SCYL2: variants seen among roughly 807,000 people sequenced by gnomAD.
SCYL2 encodes SCY1 like pseudokinase 2, also known as SCY1-like protein 2.
A neutral mutation model predicts 100.4 loss-of-function variants in SCYL2; 36 were observed. That is an observed-to-expected ratio of 0.36 (90% CI 0.27 to 0.47). The LOEUF (loss-of-function observed/expected upper bound fraction) is 0.47, where lower values mean the gene tolerates loss of function less well. SCYL2 is among the 20% of genes least tolerant of loss of function. The probability of loss-of-function intolerance (pLI) is 1.00; values close to 1 mark genes in which losing one functional copy is unlikely to be tolerated. For synonymous variants in SCYL2, 330 were observed against 359.2 expected (o/e 0.92, Z 0.92); for missense variants, 902 against 1,083.9 (o/e 0.83, Z 2.36).
chr12:100,315,910 A>T (rs1296420452), intron 9 of SCYL2, among the ~76,000 whole-genome samples, 176 bp downstream of exon 9: 1 of 152,224 alleles, frequency 6.6e-6, no homozygotes, highest in Non-Finnish European at 1.5e-5. Flanking sequence ...TTTTAAAATT[A>T]TGATTGAACT....
At chr12:100,290,716 A>G (rs192959683) in intron 2 of SCYL2, among the ~76,000 whole-genome samples, 1 of 152,218 alleles carries the variant, frequency 6.6e-6, no homozygotes, top group African/African-American at 2.4e-5. Flanking sequence ...TTGGAAGGCT[A>G]GCATTCTTTG....
intron 12 of SCYL2, chr12:100,327,104 G>A (rs1260239572): frequency 9.8e-6 from 3 of 306,716 alleles, no homozygotes; most frequent in African/African-American, 6.7e-5. Flanking sequence ...TTTGTAAGAG[G>A]CAAAGTATTT....
At position 100,301,063 on chromosome 12, in the gene SCYL2, A is replaced by G. The variant is rs189744057; in HGVS notation, c.480+2888A>G. On this transcript the variant is annotated intron_variant, in intron 4 of 17. Transcript: ENST00000360820. ...TGGTAGCTCAAATTTTAGTTTTTTG[A>G]AGAACCTCCAAATTGTTCTGTATAG... is the stretch of plus-strand genomic sequence containing the variant. Among the ~76,000 whole-genome samples the G allele has an allele frequency of 2.4e-4, 37 of 152,264 alleles. No individual in the cohort carries two copies. In the East Asian group the frequency reaches 7.0e-3, roughly 29 times the overall value.
chr12:100,322,066 A>G (rs1046014504), intron 10 of SCYL2, among the ~76,000 whole-genome samples: 2 of 150,918 alleles, frequency 1.3e-5, no homozygotes, highest in African/African-American at 2.4e-5. Flanking sequence ...AAAAAGAAAA[A>G]AAAACCCAAG....
At chr12:100,276,853 TG>T (rs1332443321) in intron 1 of SCYL2, among the ~76,000 whole-genome samples, 3 of 152,114 alleles carry the variant, frequency 2.0e-5, no homozygotes, top group Non-Finnish European at 4.4e-5. Context: ...ACCATTATTT[TG>T]GACTTTTAAA....
chr12:100,274,391 C>G (rs1412622705), intron 1 of SCYL2, among the ~76,000 whole-genome samples: 1 of 152,146 alleles, frequency 6.6e-6, no homozygotes, highest in Non-Finnish European at 1.5e-5. Context: ...TTTACTTTAT[C>G]AAAACCTTGG....
rs190222456 is a variant in SCYL2 at position 100,317,524 on chromosome 12, A to G, written c.1273-279A>G. ...TTTTTCACCCTGTAGCTTTCCAGAT[A>G]GTTGGTATGTGTGGGCAAGTGATAG... On this transcript the variant is annotated intron_variant, in intron 9 of 17. Transcript: ENST00000360820. Among the ~76,000 whole-genome samples the G allele has an allele frequency of 2.0e-5, 3 of 152,294 alleles. No homozygotes were observed. The East Asian group carries it at 5.8e-4, about 29-fold the overall frequency.
At chr12:100,299,135 T>C (rs1340014420) in intron 4 of SCYL2, among the ~76,000 whole-genome samples, 2 of 152,068 alleles carry the variant, frequency 1.3e-5, no homozygotes, top group African/African-American at 4.8e-5. Flanking sequence ...CTCAGGAGGC[T>C]GAGTCAGGAG....
At chr12:100,293,595 A>G (rs1229108172) in intron 3 of SCYL2, among the ~76,000 whole-genome samples, 1 of 151,526 alleles carries the variant, frequency 6.6e-6, no homozygotes, top group Non-Finnish European at 1.5e-5. Flanking sequence ...TGGCAGGGTC[A>G]TAGGACAATA....
chr12:100,268,240 G>A (rs956154598), intron 1 of SCYL2, among the ~76,000 whole-genome samples: 2 of 152,126 alleles, frequency 1.3e-5, no homozygotes, highest in African/African-American at 2.4e-5. Flanking sequence ...AAAAACATTG[G>A]ATACTATGAG....
intron 10 of SCYL2, among the ~76,000 whole-genome samples, chr12:100,323,256 G>A (rs2096358155): frequency 6.6e-6 from 1 of 152,170 alleles, no homozygotes; most frequent in Admixed American, 6.5e-5. Context: ...GATTAGGAAT[G>A]AGATCAGGGA....
intron 4 of SCYL2, among the ~76,000 whole-genome samples, chr12:100,306,989 AAG>A (rs1424376993): frequency 6.6e-6 from 1 of 152,186 alleles, no homozygotes; most frequent in African/African-American, 2.4e-5. Flanking sequence ...TGAAGGAAAT[AAG>A]AGAGGACACA....
intron 4 of SCYL2, among the ~76,000 whole-genome samples, chr12:100,303,265 T>C (rs934315309): frequency 2.0e-5 from 3 of 152,142 alleles, no homozygotes; most frequent in Admixed American, 1.3e-4. Flanking sequence ...GTCAAACTTA[T>C]TCTCTGTCCA....
At position 100,267,699 on chromosome 12, in the gene SCYL2, G is replaced by A. The variant is rs1480624948; in HGVS notation, c.-122G>A. The A allele has an allele frequency of 2.0e-5, 3 of 152,542 alleles. No homozygotes were observed. The highest frequency in any genetic ancestry group is 4.4e-5 in the Non-Finnish European group (3 of 68,296). 9.4% of individuals were successfully genotyped at this position (152,542 alleles called of 1,614,324 possible). A position where few individuals can be genotyped will look rare whatever the true frequency, so the allele number is the denominator to read the frequency against. ...GACCCGGGATCGAAGTCAGCTGCCGGAGGGAGAGCCCCCCATGCCGGCTCG... is the reference window on the plus strand; with the variant it reads ...GACCCGGGATCGAAGTCAGCTGCCGAAGGGAGAGCCCCCCATGCCGGCTCG... On this transcript the variant is annotated 5_prime_UTR_variant, in exon 1 of 18. Transcript: ENST00000360820.
intron 10 of SCYL2, chr12:100,319,245 G>A (rs1397129816): frequency 2.2e-6 from 1 of 455,758 alleles, no homozygotes; most frequent in African/African-American, 2.0e-5. Context: ...TAAAGGTGAG[G>A]GTATGCTGCC....
chr12:100,296,870 A>C (rs924117715), intron 3 of SCYL2: 1 of 152,224 alleles, frequency 6.6e-6, no homozygotes, highest in Admixed American at 6.5e-5. Context: ...CAGCAGGACA[A>C]TGTGACCATT....
At chr12:100,330,133 C>G (rs1424192208) in intron 13 of SCYL2, among the ~76,000 whole-genome samples, 1 of 152,054 alleles carries the variant, frequency 6.6e-6, no homozygotes, top group South Asian at 2.1e-4. Flanking sequence ...TAATTGGGAA[C>G]CATTTTAAGA....
At chr12:100,277,451 T>A (rs1236910306) in intron 1 of SCYL2, among the ~76,000 whole-genome samples, 2 of 152,256 alleles carry the variant, frequency 1.3e-5, no homozygotes, top group Admixed American at 6.5e-5. Context: ...ATTGGGTGTG[T>A]ACAGATTTAG....
chr12:100,293,735 C>G (rs1049514225), intron 3 of SCYL2, among the ~76,000 whole-genome samples: 6 of 152,036 alleles, frequency 3.9e-5, no homozygotes, highest in Admixed American at 1.3e-4. Flanking sequence ...CGACTCTTAA[C>G]GAGCATGCTG....
Sources: allele counts gnomAD v4.1 joint callset (sites outside exome capture counted in the v4.1 genomes callset), GRCh38; gene constraint gnomAD v4.1.1; transcripts MANE v1.5; gene names NCBI Gene and HGNC (gene_info 2026-07-23, HGNC 2026-07-21).